PHTF1: variants seen among roughly 807,000 people sequenced by gnomAD.
The protein encoded by PHTF1 is putative homeodomain transcription factor 1, also known as protein PHTF1.
In PHTF1, 88 loss-of-function variants were observed where a neutral mutation model predicts 102.4. The observed-to-expected ratio is 0.86, with a 90% CI of 0.72 to 1.03. The LOEUF is 1.03. Ranked by LOEUF, PHTF1 falls within the 50% of genes least tolerant of loss-of-function variation. PHTF1 has a pLI of 0.00. For synonymous variants in PHTF1, 289 were observed against 305.2 expected, an observed-to-expected ratio of 0.95 and a Z score of 0.55; for missense variants, 814 against 909.5, an observed-to-expected ratio of 0.89 and a Z score of 1.35.
At chr1:113,745,757 A>T (rs1657134430) in intron 3 of PHTF1, among the ~76,000 whole-genome samples, 1 of 152,192 alleles carries the variant, frequency 6.6e-6, no homozygotes, top group South Asian at 2.1e-4. Flanking sequence ...CTAATGCCTG[A>T]TGATCTGTCA....
intron 7 of PHTF1, chr1:113,713,783 T>G: frequency 4.9e-6 from 1 of 203,200 alleles, no homozygotes; most frequent in South Asian, 8.7e-5. Context: ...ACTAGCCCAG[T>G]AGACTTAGGT....
intron 3 of PHTF1, among the ~76,000 whole-genome samples, chr1:113,751,172 G>A (rs982350210): frequency 6.6e-6 from 1 of 152,028 alleles, no homozygotes; most frequent in Non-Finnish European, 1.5e-5. Context: ...CATTTTTGGT[G>A]TACTATATTA....
Position 113,759,425 on chromosome 1 carries a change from AGGC to A in PHTF1, c.-436_-434del, listed in dbSNP as rs59045558. The A allele has an allele frequency of 0.99, 150,589 of 152,716 alleles. 74,293 individuals carry two copies. The highest frequency in any genetic ancestry group is 1 in the East Asian group (5,180 of 5,180). 9.5% of individuals were successfully genotyped at this position (152,716 alleles called of 1,614,324 possible). On this transcript the variant is annotated 5_prime_UTR_variant, in exon 1 of 19. Transcript: ENST00000369604. ...GAGAGCCCGGGAGCCCGGGAGGAGGAGGCGGCGGCAGCGGCGCTCGTCTTCTGC... is the reference window on the plus strand; with the variant it reads ...GAGAGCCCGGGAGCCCGGGAGGAGGAGGCGGCAGCGGCGCTCGTCTTCTGC...
In PHTF1 at chr1:113,711,920, T is replaced by G. The variant is rs1211658792; in HGVS notation, c.957+20A>C. 4 of 1,608,546 alleles carry G rather than the reference T, an allele frequency of 2.5e-6. No individual in the cohort carries two copies. The highest frequency in any genetic ancestry group is 3.4e-6 in the Non-Finnish European group (4 of 1,174,970). On this transcript the variant is annotated intron_variant, in intron 9 of 18. Coordinates refer to ENST00000369604, the MANE Select transcript of PHTF1 (RefSeq NM_001323043.2). ...TCAATGATTCAGTCCTATACTTTCA[T>G]AAACTAAAATAGAAATTACCTGAGA...
Position 113,713,132 on chromosome 1 carries a change from T to C in PHTF1, c.783+147A>G, listed in dbSNP as rs1651403533. On this transcript the variant is annotated intron_variant, in intron 8 of 18. Coordinates refer to ENST00000369604, the MANE Select transcript of PHTF1 (RefSeq NM_001323043.2). ...TTAAGACTAAGTTCCAGTCTTCATG[T>C]GGTATCTTCTTTTCATATCCTGTGG... is the stretch of plus-strand genomic sequence containing the variant. The C allele has an allele frequency of 2.2e-5, 15 of 697,024 alleles. No individual in the cohort carries two copies. The South Asian group carries it at 2.5e-4, about 12-fold the overall frequency. 43.2% of individuals were successfully genotyped at this position (697,024 alleles called of 1,614,324 possible).
chr1:113,738,878 T>C, intron 3 of PHTF1, 79 bp from the exon 4 acceptor site: 1 of 1,046,244 alleles, frequency 9.6e-7, no homozygotes, highest in East Asian at 2.6e-5. Context: ...TGAGACACAG[T>C]TTCGCTCTTG....
chr1:113,753,856 A>G (rs968263106), intron 3 of PHTF1, among the ~76,000 whole-genome samples: 1 of 151,642 alleles, frequency 6.6e-6, no homozygotes, highest in African/African-American at 2.4e-5. Flanking sequence ...TTTTTTGTAG[A>G]GACAGAGTCT....
chr1:113,748,685 C>T (rs1341391070), intron 3 of PHTF1, among the ~76,000 whole-genome samples: 1 of 152,122 alleles, frequency 6.6e-6, no homozygotes, highest in African/African-American at 2.4e-5. Context: ...AGGCATGCAA[C>T]GCCAAGCCCA....
chr1:113,733,200 C>A (rs1341505103), intron 5 of PHTF1, among the ~76,000 whole-genome samples: 1 of 151,324 alleles, frequency 6.6e-6, no homozygotes, highest in Non-Finnish European at 1.5e-5. Context: ...CTGCCCCCCA[C>A]CTAGATAACA....
intron 3 of PHTF1, 96 bp downstream of exon 3, chr1:113,757,603 T>A (rs1279783711): frequency 5.1e-6 from 4 of 787,762 alleles, no homozygotes; most frequent in Non-Finnish European, 9.0e-6. Flanking sequence ...AAGAATGCCA[T>A]ACTGGTAGTT....
At chr1:113,738,581 A>G in intron 4 of PHTF1, 149 bp downstream of exon 4, 1 of 607,252 alleles carries the variant, frequency 1.6e-6, no homozygotes, top group Non-Finnish European at 2.9e-6. Flanking sequence ...CAGTACTAAG[A>G]GGTGGAAAAA....
chr1:113,699,601 AC>A, intron 17 of PHTF1, 102 bp downstream of exon 17: 1 of 693,236 alleles, frequency 1.4e-6, no homozygotes, highest in Non-Finnish European at 2.6e-6. Context: ...CACTTCCAGG[AC>A]CCCTCCCAAC....
Position 113,738,749 on chromosome 1 carries a change from A to C in PHTF1, c.153T>G (p.Ile51Met). ...KKMGHIKPDL[I>M]DVDLIRGSTF... ...ACTAACCTCTGATTAAGTCAACGTCAATCAAGTCTGGCTTTATGTGGCCCA... is the reference window on the plus strand; with the variant it reads ...ACTAACCTCTGATTAAGTCAACGTCCATCAAGTCTGGCTTTATGTGGCCCA... The change falls in exon 4 of 19, where the codon ATT (isoleucine) becomes ATG (methionine). Residue 51 changes from isoleucine (I) to methionine (M), a missense_variant. Transcript: ENST00000369604. 1.2e-6 allele frequency: 2 copies of C among 1,601,376 alleles called. No homozygotes were observed. The highest frequency in any genetic ancestry group is 2.3e-5 in the South Asian group (2 of 88,140).
At chr1:113,728,726 T>G (rs754425227) in intron 5 of PHTF1, among the ~76,000 whole-genome samples, 2 of 152,176 alleles carry the variant, frequency 1.3e-5, no homozygotes, top group Non-Finnish European at 2.9e-5. Flanking sequence ...CTGGGCAACA[T>G]GGTGAAACCC....
rs186177596 is a variant in PHTF1 at position 113,741,365 on chromosome 1, T to G, written c.103-2566A>C. ...AAGGAAAAAACTCTTTGAAGAAACA[T>G]GTACACTAATTTTTGAAATATGCAT... On this transcript the variant is annotated intron_variant, in intron 3 of 18. Coordinates refer to ENST00000369604, the MANE Select transcript of PHTF1 (RefSeq NM_001323043.2). Among the ~76,000 whole-genome samples the G allele has an allele frequency of 2.0e-3, 298 of 152,350 alleles. 2 individuals carry two copies. Among genetic ancestry groups the G allele is most frequent in the African/African-American group, 6.7e-3 (279 of 41,584 alleles).
intron 3 of PHTF1, among the ~76,000 whole-genome samples, chr1:113,754,803 G>GA (rs1436985016): frequency 6.6e-6 from 1 of 152,072 alleles, no homozygotes; most frequent in Non-Finnish European, 1.5e-5. Flanking sequence ...ATTTTCTACA[G>GA]AATAGTATCT....
intron 6 of PHTF1, 70 bp downstream of exon 6, chr1:113,726,348 A>C: frequency 8.5e-7 from 1 of 1,173,434 alleles, no homozygotes; most frequent in South Asian, 1.4e-5. Flanking sequence ...TAAATTAATC[A>C]AAGGTTTTAT....
chr1:113,726,327 G>C, intron 6 of PHTF1, 91 bp downstream of exon 6: 1 of 988,418 alleles, frequency 1.0e-6, no homozygotes, highest in Non-Finnish European at 1.5e-6. Flanking sequence ...AAACACAAAA[G>C]AGGGAGATTT....
intron 5 of PHTF1, among the ~76,000 whole-genome samples, chr1:113,730,089 C>A (rs1252056552): frequency 6.6e-6 from 1 of 152,096 alleles, no homozygotes; most frequent in African/African-American, 2.4e-5. Flanking sequence ...TGAGGGAATG[C>A]CTGGGGGACC....
Sources: allele counts gnomAD v4.1 joint callset (sites outside exome capture counted in the v4.1 genomes callset), GRCh38; gene constraint gnomAD v4.1.1; transcripts MANE v1.5; gene names NCBI Gene and HGNC (gene_info 2026-07-23, HGNC 2026-07-21).